Variants in HTR7 observed in about 807,000 individuals in gnomAD.
HTR7 encodes the protein 5-hydroxytryptamine receptor 7.
A neutral mutation model predicts 34.0 loss-of-function variants in HTR7; 16 were observed. The ratio of observed to expected loss-of-function variants is 0.47; its 90% CI spans 0.32 to 0.71. The LOEUF (loss-of-function observed/expected upper bound fraction) is 0.71, where lower values mean the gene tolerates loss of function less well. HTR7 is among the 30% of genes least tolerant of loss of function. The probability of loss-of-function intolerance (pLI) is 0.04; values close to 1 mark genes in which losing one functional copy is unlikely to be tolerated. For missense variants in HTR7, 504 were observed against 625.5 expected, an observed-to-expected ratio of 0.81 and a Z score of 2.07; for synonymous variants, 265 against 260.2, an observed-to-expected ratio of 1.02 and a Z score of -0.18.
chr10:90,826,867 G>A (rs530305003), intron 1 of HTR7, among the ~76,000 whole-genome samples: 761 of 152,138 alleles, frequency 5.0e-3, no homozygotes, highest in South Asian at 0.017. Flanking sequence ...AACCCAGGAG[G>A]CGGAGCTTGC....
chr10:90,853,832 C>T (rs752846279), intron 1 of HTR7, among the ~76,000 whole-genome samples: 2 of 152,094 alleles, frequency 1.3e-5, no homozygotes, highest in Non-Finnish European at 2.9e-5. Context: ...GGGAATAGCT[C>T]GGGGCTGGAC....
intron 1 of HTR7, among the ~76,000 whole-genome samples, chr10:90,825,928 G>C (rs894359693): frequency 6.6e-6 from 1 of 152,136 alleles, no homozygotes; most frequent in African/African-American, 2.4e-5. Context: ...GAGAGAGATA[G>C]GGATTGAAAG....
chr10:90,831,513 G>A (rs1328845280), intron 1 of HTR7, among the ~76,000 whole-genome samples: 2 of 152,204 alleles, frequency 1.3e-5, no homozygotes, highest in African/African-American at 4.8e-5. Context: ...GTGGGCAGTA[G>A]CAAGATCTAT....
At chr10:90,792,837 T>C (rs1249902544) in intron 1 of HTR7, among the ~76,000 whole-genome samples, 1 of 152,078 alleles carries the variant, frequency 6.6e-6, no homozygotes, top group Non-Finnish European at 1.5e-5. Context: ...GAAAACCATA[T>C]ATCCACATGC....
At chr10:90,769,175 T>C (rs774905211) in intron 1 of HTR7, among the ~76,000 whole-genome samples, 2 of 152,242 alleles carry the variant, frequency 1.3e-5, no homozygotes, top group Admixed American at 6.5e-5. Context: ...AAGGATACCA[T>C]GCATAGTAAT....
At chr10:90,846,237 G>T (rs1277032295) in intron 1 of HTR7, among the ~76,000 whole-genome samples, 2 of 152,152 alleles carry the variant, frequency 1.3e-5, no homozygotes, top group Non-Finnish European at 2.9e-5. Flanking sequence ...ATGATATGAA[G>T]TAATCTTATA....
intron 1 of HTR7, among the ~76,000 whole-genome samples, chr10:90,811,876 CTTAGT>C (rs1845816201): frequency 1.3e-5 from 2 of 150,666 alleles, no homozygotes; most frequent in African/African-American, 4.8e-5. Context: ...GACATAATTC[CTTAGT>C]TTAGCCTTCC....
chr10:90,786,527 G>A (rs111850542), intron 1 of HTR7, among the ~76,000 whole-genome samples: 221 of 152,290 alleles, frequency 1.5e-3, no homozygotes, highest in African/African-American at 5.0e-3. Context: ...CATGAGACCA[G>A]GGAAGAGTAA....
intron 1 of HTR7, among the ~76,000 whole-genome samples, chr10:90,797,077 T>C (rs1845552139): frequency 6.6e-6 from 1 of 151,774 alleles, no homozygotes; most frequent in Non-Finnish European, 1.5e-5. Context: ...ATCACAAACA[T>C]CAAGTACTGC....
At position 90,749,471 on chromosome 10, in the gene HTR7, C is replaced by T. The variant is rs565867614; in HGVS notation, c.663G>A (p.Trp221Ter). 1 of 1,614,120 alleles carries T rather than the reference C, an allele frequency of 6.2e-7. No homozygotes were observed. Among genetic ancestry groups the T allele is most frequent in the East Asian group, 2.2e-5 (1 of 44,876 alleles). Reference protein sequence around the residue: ...ASITLPPLFGWAQNVNDDKVC... With the variant: ...ASITLPPLFG ...CCTTATCATCATTTACATTCTGAGCCCATCCAAAGAGTGGAGGTAAGGTGA... is the reference window on the plus strand; with the variant it reads ...CCTTATCATCATTTACATTCTGAGCTCATCCAAAGAGTGGAGGTAAGGTGA... The change falls in exon 2 of 4, where the codon TGG (tryptophan) becomes TGA (stop). Residue 221 changes from tryptophan to a stop codon, truncating the protein, a stop_gained. Transcript: ENST00000336152. LOFTEE classifies it high-confidence loss of function. This position sits in a 1 kb window ranked among gnomAD's most constrained non-coding sequence, Gnocchi z 4.2.
chr10:90,800,916 ACT>A (rs1845614650), intron 1 of HTR7, among the ~76,000 whole-genome samples: 1 of 152,080 alleles, frequency 6.6e-6, no homozygotes, highest in Admixed American at 6.6e-5. Context: ...CATTTCATTA[ACT>A]CTGACGGGAT....
intron 1 of HTR7, among the ~76,000 whole-genome samples, chr10:90,846,851 G>A (rs942407962): frequency 9.2e-5 from 14 of 152,188 alleles, no homozygotes; most frequent in African/African-American, 3.4e-4. Flanking sequence ...GGGGAGGACG[G>A]AGATTGGGGT....
At chr10:90,776,800 C>T (rs1845220064) in intron 1 of HTR7, among the ~76,000 whole-genome samples, 1 of 152,124 alleles carries the variant, frequency 6.6e-6, no homozygotes, top group African/African-American at 2.4e-5. Flanking sequence ...GTATGGTATA[C>T]AGACTATAAT....
chr10:90,804,271 C>A (rs1001630058), intron 1 of HTR7, among the ~76,000 whole-genome samples: 7 of 152,140 alleles, frequency 4.6e-5, no homozygotes, highest in African/African-American at 1.7e-4. Context: ...CACCATCCTT[C>A]GAGTCTGTGT....
chr10:90,837,476 T>C (rs1179414212), intron 1 of HTR7, among the ~76,000 whole-genome samples: 2 of 152,160 alleles, frequency 1.3e-5, no homozygotes, highest in African/African-American at 4.8e-5. Context: ...ATCTCCAGAG[T>C]GGCTTTGTTA....
chr10:90,826,140 A>C (rs1448737752), intron 1 of HTR7, among the ~76,000 whole-genome samples: 1 of 152,172 alleles, frequency 6.6e-6, no homozygotes, highest in Admixed American at 6.5e-5. Context: ...GAGCTCTAAT[A>C]TGTCTGGCAG....
chr10:90,839,075 C>T (rs1022837359), intron 1 of HTR7, among the ~76,000 whole-genome samples: 17 of 152,122 alleles, frequency 1.1e-4, no homozygotes, highest in Admixed American at 3.3e-4. Context: ...CTGTATAACT[C>T]ACATAATAAG....
At chr10:90,800,934 G>C (rs1845615085) in intron 1 of HTR7, among the ~76,000 whole-genome samples, 1 of 152,088 alleles carries the variant, frequency 6.6e-6, no homozygotes, top group Admixed American at 6.5e-5. Context: ...GGGATCTCAG[G>C]GAAGAGATCA....
At chr10:90,825,402 C>G (rs985604907) in intron 1 of HTR7, among the ~76,000 whole-genome samples, 1 of 152,176 alleles carries the variant, frequency 6.6e-6, no homozygotes, top group African/African-American at 2.4e-5. Context: ...ACAAGCCCAG[C>G]CTGAGAAGAC....
Sources: gnomAD v4.1 joint callset for allele counts (sites outside exome capture counted in the v4.1 genomes callset) on GRCh38, gnomAD v4.1.1 for gene constraint, Gnocchi (gnomAD v3.1) non-coding constraint, MANE v1.5 for transcripts, NCBI Gene and HGNC (gene_info 2026-07-23, HGNC 2026-07-21) for gene names.